The following SPACA6 variants were observed in gnomAD, a reference collection of about 807,000 sequenced individuals.
SPACA6 encodes the protein sperm acrosome membrane-associated protein 6.
For missense variants in SPACA6, 8 were observed against 2.8 expected, an observed-to-expected ratio of 2.88 and a Z score of -1.34; for synonymous variants, 6 against 1.5, an observed-to-expected ratio of 4.05 and a Z score of -2.21.
At chr19:51,687,153 G>A (rs1268222073), upstream of SPACA6, 1 of 152,058 alleles carries the variant, frequency 6.6e-6, no homozygotes, top group East Asian at 1.9e-4. Context: ...TTCCAACCAC[G>A]TGGGAGGCTG....
upstream of SPACA6, among the ~76,000 whole-genome samples, chr19:51,688,902 G>A (rs62106941): frequency 1.7e-3 from 123 of 70,936 alleles, no homozygotes; most frequent in Middle Eastern, 8.6e-3. Flanking sequence ...AGGGAAAGAG[G>A]GAGAGAGAGA....
downstream of SPACA6, among the ~76,000 whole-genome samples, chr19:51,706,442 C>T (rs2083516108): frequency 1.3e-5 from 2 of 152,112 alleles, no homozygotes; most frequent in African/African-American, 4.8e-5. Flanking sequence ...CTTTCCAGCC[C>T]CAGTGGCCTC....
chr19:51,704,226 A>C, intron 7 of SPACA6, 40 bp downstream of exon 7: 1 of 400,380 alleles, frequency 2.5e-6, no homozygotes, highest in East Asian at 3.6e-5. Context: ...CGGGGTCGGG[A>C]GAGGGGTGGG....
upstream of SPACA6, among the ~76,000 whole-genome samples, chr19:51,684,973 A>G (rs571285601): frequency 6.6e-6 from 1 of 152,242 alleles, no homozygotes; most frequent in South Asian, 2.1e-4. Context: ...GTGCTATCGG[A>G]TTATCTTGGT....
At chr19:51,692,588 CG>C (rs748497323), upstream of SPACA6, 6 of 517,342 alleles carry the variant, frequency 1.2e-5, no homozygotes, top group South Asian at 2.9e-5. This position sits in a 1 kb window ranked among gnomAD's most constrained non-coding sequence, Gnocchi z 5.6. Flanking sequence ...GAGGAGGGGC[CG>C]GGGGCCCGGA....
chr19:51,712,954 G>A (rs1256900306), downstream of SPACA6, among the ~76,000 whole-genome samples: 3 of 152,056 alleles, frequency 2.0e-5, no homozygotes, highest in Non-Finnish European at 2.9e-5. Context: ...CCTGCCCCAG[G>A]GGATTAATAA....
intron 2 of SPACA6, among the ~76,000 whole-genome samples, chr19:51,698,167 A>G (rs1434882814): frequency 6.6e-6 from 1 of 152,168 alleles, no homozygotes; most frequent in Non-Finnish European, 1.5e-5. Flanking sequence ...CACTTGGCCA[A>G]GGTCGCATGG....
intron 2 of SPACA6, among the ~76,000 whole-genome samples, chr19:51,710,353 T>A (rs2083536258): frequency 6.6e-6 from 1 of 152,196 alleles, no homozygotes; most frequent in Non-Finnish European, 1.5e-5. Flanking sequence ...AATGCATGAA[T>A]GGGAAAAAAA....
At chr19:51,699,894 C>T (rs2083455973) in intron 2 of SPACA6, among the ~76,000 whole-genome samples, 1 of 152,182 alleles carries the variant, frequency 6.6e-6, no homozygotes, top group Non-Finnish European at 1.5e-5. Context: ...GAGATCAAGT[C>T]AGCTGTCTAT....
At chr19:51,696,804 G>A (rs1321901708) in intron 2 of SPACA6, among the ~76,000 whole-genome samples, 2 of 152,156 alleles carry the variant, frequency 1.3e-5, no homozygotes, top group Admixed American at 6.5e-5. Context: ...GGGTCCAGTT[G>A]AGCAAAGACC....
At chr19:51,695,259 A>C (rs1358006187) in intron 2 of SPACA6, among the ~76,000 whole-genome samples, 1 of 152,056 alleles carries the variant, frequency 6.6e-6, no homozygotes, top group Non-Finnish European at 1.5e-5. Context: ...GTGCGAAGAG[A>C]CCTCAGGGCT....
downstream of SPACA6, among the ~76,000 whole-genome samples, chr19:51,708,262 A>G (rs1366897020): frequency 6.6e-6 from 1 of 152,218 alleles, no homozygotes; most frequent in Non-Finnish European, 1.5e-5. Flanking sequence ...TCTGTTGCCC[A>G]CATCACTCCA....
At chr19:51,692,638 C>A (rs774985687), upstream of SPACA6, 2 of 531,162 alleles carry the variant, frequency 3.8e-6, no homozygotes, top group African/African-American at 3.9e-5. The surrounding 1 kb of genome is among the most constrained non-coding windows in gnomAD (Gnocchi z 5.6). Flanking sequence ...ACCGACCTTG[C>A]GGGGCCTTCG....
chr19:51,707,502 G>A (rs551061235), downstream of SPACA6, among the ~76,000 whole-genome samples: 3 of 152,044 alleles, frequency 2.0e-5, no homozygotes, highest in South Asian at 2.1e-4. Flanking sequence ...GATTATAGGC[G>A]TGAGCCACCG....
intron 2 of SPACA6, among the ~76,000 whole-genome samples, chr19:51,711,145 C>G (rs1426667575): frequency 6.6e-6 from 1 of 152,172 alleles, no homozygotes; most frequent in Non-Finnish European, 1.5e-5. Context: ...CTGTGTCAGA[C>G]ACAGCCAAAT....
In SPACA6 at chr19:51,694,818, G is replaced by T. The variant is rs1052199288; in HGVS notation, c.292+263G>T. Reference sequence around the variant, plus strand: ...TGGAAGTCCAGATGGGGTCGGGTAGGCATAGGTTCTGCCATGGCTGCATGG... The same window carrying T: ...TGGAAGTCCAGATGGGGTCGGGTAGTCATAGGTTCTGCCATGGCTGCATGG... On this transcript the variant is annotated intron_variant, in intron 2 of 8. Coordinates refer to ENST00000637797, the MANE Select transcript of SPACA6 (RefSeq NM_001316972.2). 3.9e-5 allele frequency among the ~76,000 whole-genome samples: 6 copies of T among 152,140 alleles called. No individual in the cohort carries two copies. The East Asian group carries it at 1.2e-3, about 29-fold the overall frequency.
the SPACA6 span, among the ~76,000 whole-genome samples, chr19:51,683,892 T>C: frequency 2.0e-5 from 3 of 152,248 alleles, no homozygotes; most frequent in Non-Finnish European, 4.4e-5. Context: ...TCAGAATCTG[T>C]GCTCTTAATC....
chr19:51,688,921 A>AGGGAG (rs2083343255), upstream of SPACA6, among the ~76,000 whole-genome samples: 5 of 108,166 alleles, frequency 4.6e-5, no homozygotes, highest in Admixed American at 9.7e-5. Context: ...GAGAGAGAGA[A>AGGGAG]CGAGAGAGAA....
In SPACA6 at chr19:51,700,536, C is replaced by T. The variant is rs140491133; in HGVS notation, c.293-1122C>T. ...CATTTTCTTTTAAACACTTTCCAGG[C>T]CAAATATAACACATCCCAGGGATGG... On this transcript the variant is annotated intron_variant, in intron 2 of 8. Coordinates refer to ENST00000637797, the MANE Select transcript of SPACA6 (RefSeq NM_001316972.2). 2.6e-3 allele frequency among the ~76,000 whole-genome samples: 394 copies of T among 152,258 alleles called. 6 individuals are homozygous for T. The highest frequency in any genetic ancestry group is 9.0e-3 in the African/African-American group (374 of 41,536).
Sources: allele counts gnomAD v4.1 joint callset (sites outside exome capture counted in the v4.1 genomes callset), GRCh38; gene constraint gnomAD v4.1.1; non-coding constraint Gnocchi (gnomAD v3.1); transcripts MANE v1.5; gene names NCBI Gene and HGNC (gene_info 2026-07-23, HGNC 2026-07-21).